Variants in TMEM248 observed in about 807,000 individuals in gnomAD.
The protein encoded by TMEM248 is transmembrane protein 248.
In TMEM248, 9 loss-of-function variants were observed where a neutral mutation model predicts 30.3. The observed-to-expected ratio is 0.30, with a 90% CI of 0.18 to 0.52. The LOEUF (loss-of-function observed/expected upper bound fraction) is 0.52, where lower values mean the gene tolerates loss of function less well. TMEM248 is among the 20% of genes least tolerant of loss of function. The pLI is 0.97. For missense variants in TMEM248, 338 were observed against 403.3 expected (o/e 0.84, Z 1.39); for synonymous variants, 184 against 154.4 (o/e 1.19, Z -1.42).
At chr7:66,922,755 G>A (rs28472679) in intron 1 of TMEM248, among the ~76,000 whole-genome samples, 14,405 of 152,156 alleles carry the variant, frequency 0.095, 795 homozygotes, top group Non-Finnish European at 0.11. Flanking sequence ...GCCCAGGCTG[G>A]AGTGCAGTGG....
At chr7:66,941,378 CAAAAA>C (rs531732717) in intron 1 of TMEM248, among the ~76,000 whole-genome samples, 2 of 62,988 alleles carry the variant, frequency 3.2e-5, no homozygotes, top group Non-Finnish European at 3.2e-5. Flanking sequence ...GACTCCGTCT[CAAAAA>C]AAAAAAAAAA....
chr7:66,955,521 A>G lies in TMEM248; in HGVS notation c.944A>G (p.Ter315=). ...TTCCAGGTGGCTTTGGCTGAAGCCTAATTCCACAGCTCCTTGTTTTTTGAG... is the reference window on the plus strand; with the variant it reads ...TTCCAGGTGGCTTTGGCTGAAGCCTGATTCCACAGCTCCTTGTTTTTTGAG... The part of the protein sequence containing the change: ...CPEKVALAEA[*] The change falls in exon 7 of 7, where the codon TAA becomes TGA. Residue 315 remains the stop codon, a stop_retained_variant. Transcript: ENST00000341567. 6.2e-7 allele frequency: 1 copy of G among 1,614,074 alleles called. No individual in the cohort carries two copies. Among genetic ancestry groups the G allele is most frequent in the South Asian group, 1.1e-5 (1 of 91,062 alleles).
chr7:66,934,662 G>T (rs34785430), intron 1 of TMEM248, among the ~76,000 whole-genome samples: 15,235 of 152,176 alleles, frequency 0.1, 939 homozygotes, highest in Middle Eastern at 0.2. Flanking sequence ...AGTTTTCCTT[G>T]AAGTGAATTC....
chr7:66,957,648 A>G lies in TMEM248; in HGVS notation c.*2126A>G, dbSNP rs1217219999. 1 of 152,250 alleles carries G rather than the reference A, an allele frequency of 6.6e-6. No individual in the cohort carries two copies. Among genetic ancestry groups the G allele is most frequent in the Non-Finnish European group, 1.5e-5 (1 of 68,044 alleles). The allele number at this position is 152,250 out of a possible 1,614,324, so 9.4% of individuals were successfully genotyped here. Reference sequence around the variant, plus strand: ...GAAGCAGAGTTATAGGGATAGATTTATAGCTGGCAGAGTGGTATCAAAGGA... The same window carrying G: ...GAAGCAGAGTTATAGGGATAGATTTGTAGCTGGCAGAGTGGTATCAAAGGA... On this transcript the variant is annotated 3_prime_UTR_variant, in exon 7 of 7. Coordinates refer to ENST00000341567, the MANE Select transcript of TMEM248 (RefSeq NM_017994.5).
chr7:66,952,733 A>G (rs1792299482), intron 5 of TMEM248, among the ~76,000 whole-genome samples: 2 of 152,280 alleles, frequency 1.3e-5, no homozygotes, highest in African/African-American at 4.8e-5. Context: ...GACTTAGGGA[A>G]ATAGAGAAAA....
chr7:66,949,892 T>C (rs4718426), intron 4 of TMEM248, among the ~76,000 whole-genome samples: 5,584 of 152,232 alleles, frequency 0.037, 164 homozygotes, highest in East Asian at 0.087. Context: ...ACATAAGATA[T>C]AGCCTATTTA....
intron 1 of TMEM248, among the ~76,000 whole-genome samples, chr7:66,932,140 T>C (rs1791685273): frequency 1.3e-5 from 2 of 152,162 alleles, no homozygotes; most frequent in South Asian, 2.1e-4. Flanking sequence ...CCTCCCCTTA[T>C]ATTAGGTTGG....
At chr7:66,930,479 A>G (rs191401445) in intron 1 of TMEM248, 1 of 152,350 alleles carries the variant, frequency 6.6e-6, no homozygotes, top group African/African-American at 2.4e-5. Context: ...GATCCACCCC[A>G]CTTCTGTATC....
Position 66,945,019 on chromosome 7 carries a change from G to A in TMEM248, c.203G>A (p.Cys68Tyr). 6.2e-7 allele frequency: 1 copy of A among 1,614,198 alleles called. No homozygotes were observed. Among genetic ancestry groups the A allele is most frequent in the Non-Finnish European group, 8.5e-7 (1 of 1,180,046 alleles). ...FLLRFNDLDLCVSENETLKHL... is the reference protein window; with the variant it reads ...FLLRFNDLDLYVSENETLKHL... ...CTACGGTTCAATGATTTGGACTTGT[G>A]TGTATCAGAGAATGAAACCCTCAAG... Residue 68 changes from cysteine to tyrosine, a missense_variant, in exon 3 of 7, where the codon TGT becomes TAT. By Grantham distance (194) the Cys-to-Tyr change is radical (BLOSUM62 -2). Coordinates refer to ENST00000341567, the MANE Select transcript of TMEM248 (RefSeq NM_017994.5).
Position 66,955,537 on chromosome 7 carries a change from G to A in TMEM248, c.*15G>A. ...CTGAAGCCTAATTCCACAGCTCCTTGTTTTTTGAGAGAGACTGAGAGAACC... is the reference window on the plus strand; with the variant it reads ...CTGAAGCCTAATTCCACAGCTCCTTATTTTTTGAGAGAGACTGAGAGAACC... On this transcript the variant is annotated 3_prime_UTR_variant, in exon 7 of 7. Coordinates refer to ENST00000341567, the MANE Select transcript of TMEM248 (RefSeq NM_017994.5). 6.2e-7 allele frequency: 1 copy of A among 1,614,018 alleles called. No individual in the cohort carries two copies. The highest frequency in any genetic ancestry group is 1.1e-5 in the South Asian group (1 of 91,066).
intron 1 of TMEM248, among the ~76,000 whole-genome samples, chr7:66,924,548 A>G (rs1562935334): frequency 6.6e-6 from 1 of 151,888 alleles, no homozygotes; most frequent in Non-Finnish European, 1.5e-5. Flanking sequence ...GGGATTACAG[A>G]TGCCCGCCAC....
Position 66,937,767 on chromosome 7 carries a change from A to G in TMEM248, c.-18-4081A>G, listed in dbSNP as rs373551136. 4.6e-5 allele frequency among the ~76,000 whole-genome samples: 7 copies of G among 151,922 alleles called. No homozygotes were observed. The South Asian group carries it at 1.5e-3, about 32-fold the overall frequency. Reference sequence around the variant, plus strand: ...CTCTTGTTGCCCAGGCTGGAGTGCAATGGCGCGACCTTGGCTCACCACAAC... The same window carrying G: ...CTCTTGTTGCCCAGGCTGGAGTGCAGTGGCGCGACCTTGGCTCACCACAAC... On this transcript the variant is annotated intron_variant, in intron 1 of 6. Coordinates refer to ENST00000341567, the MANE Select transcript of TMEM248 (RefSeq NM_017994.5).
chr7:66,954,631 A>G (rs968928292), intron 6 of TMEM248, among the ~76,000 whole-genome samples: 3 of 152,018 alleles, frequency 2.0e-5, no homozygotes, highest in Non-Finnish European at 4.4e-5. Flanking sequence ...TCCTGGGCTC[A>G]AGCAATCCAC....
rs754843005 is a variant in TMEM248, at chr7:66,945,142, C to T, written c.326C>T (p.Pro109Leu). The T allele has an allele frequency of 2.2e-5, 36 of 1,614,066 alleles. No homozygotes were observed. The Admixed American group carries it at 2.7e-4, about 12-fold the overall frequency. The change falls in exon 3 of 7, where the codon CCG becomes CTG. Residue 109 changes from proline (P) to leucine (L), a missense_variant. Pro to Leu is a moderately conservative substitution (Grantham distance 98, BLOSUM62 -3). Coordinates refer to ENST00000341567, the MANE Select transcript of TMEM248 (RefSeq NM_017994.5). ...QSPQALEDSG[P>L]VNISVSITLT... ...CCCCAGGCCCTGGAGGACTCGGGCCCGGTGAATATCTCAGTCTCAATCACC... is the reference window on the plus strand; with the variant it reads ...CCCCAGGCCCTGGAGGACTCGGGCCTGGTGAATATCTCAGTCTCAATCACC...
At chr7:66,950,482 C>T (rs1264225116) in intron 4 of TMEM248, among the ~76,000 whole-genome samples, 1 of 152,182 alleles carries the variant, frequency 6.6e-6, no homozygotes, top group Non-Finnish European at 1.5e-5. Context: ...CCACTTCCGC[C>T]ATGCTTGTAA....
At chr7:66,942,518 C>T (rs560617548) in intron 2 of TMEM248, among the ~76,000 whole-genome samples, 15 of 152,226 alleles carry the variant, frequency 9.9e-5, no homozygotes, top group South Asian at 2.1e-4. Context: ...TTTTTTGAGA[C>T]GGAGTCTCGC....
At chr7:66,922,981 T>A (rs1014368018) in intron 1 of TMEM248, among the ~76,000 whole-genome samples, 1 of 152,050 alleles carries the variant, frequency 6.6e-6, no homozygotes, top group Non-Finnish European at 1.5e-5. Flanking sequence ...TCTGGAATTA[T>A]AGGCGTGAAC....
intron 6 of TMEM248, among the ~76,000 whole-genome samples, chr7:66,953,612 CT>C (rs879813901): frequency 9.2e-4 from 138 of 150,166 alleles, no homozygotes; most frequent in Non-Finnish European, 1.6e-3. Flanking sequence ...TCCTCTGTAA[CT>C]TTTTTTTTTG....
chr7:66,925,608 CTT>C (rs1165233290), intron 1 of TMEM248, among the ~76,000 whole-genome samples: 1 of 152,020 alleles, frequency 6.6e-6, no homozygotes, highest in African/African-American at 2.4e-5. Flanking sequence ...ACAGACATCT[CTT>C]TGACAATCTG....
Sources: gnomAD v4.1 joint callset for allele counts (sites outside exome capture counted in the v4.1 genomes callset) on GRCh38, gnomAD v4.1.1 for gene constraint, MANE v1.5 for transcripts, NCBI Gene and HGNC (gene_info 2026-07-23, HGNC 2026-07-21) for gene names.